HSD17B14: variants seen among roughly 807,000 people sequenced by gnomAD.
HSD17B14 encodes L-fucose dehydrogenase.
In HSD17B14, 32 loss-of-function variants were observed where a neutral mutation model predicts 32.2. The ratio of observed to expected loss-of-function variants is 0.99; its 90% confidence interval spans 0.75 to 1.33. The LOEUF (loss-of-function observed/expected upper bound fraction) is 1.33. Among genes scored for constraint, HSD17B14 ranks in the 40% most tolerant of loss-of-function variants. The pLI, the probability that HSD17B14 is intolerant of heterozygous loss-of-function variation, is 0.00. For missense variants in HSD17B14, 370 were observed against 366.5 expected (o/e 1.01, Z -0.08); for synonymous variants, 140 against 155.4 (o/e 0.90, Z 0.74).
chr19:48,830,047 C>T (rs906480914), intron 5 of HSD17B14, among the ~76,000 whole-genome samples: 1 of 152,104 alleles, frequency 6.6e-6, no homozygotes, highest in African/African-American at 2.4e-5. Context: ...CAGCTCACTG[C>T]AACCTCCGCC....
chr19:48,822,828 A>ATGGTGGTGAAGATGGTGT (rs2035183818), intron 5 of HSD17B14, among the ~76,000 whole-genome samples: 1 of 151,302 alleles, frequency 6.6e-6, no homozygotes, highest in Non-Finnish European at 1.5e-5. Context: ...GATGGTAATG[A>ATGGTGGTGAAGATGGTGT]TGGTGGTGAA....
In HSD17B14 at chr19:48,836,126, G is replaced by A. The variant is rs138455444; in HGVS notation, c.88+198C>T. On this transcript the variant is annotated intron_variant, in intron 1 of 8. Coordinates refer to ENST00000263278, the MANE Select transcript of HSD17B14 (RefSeq NM_016246.3). ...AGCTACACCAACAGACCCAGAGAAAGGGGCCACTGCCTTCGGAGACCCTGC... is the reference window on the plus strand; with the variant it reads ...AGCTACACCAACAGACCCAGAGAAAAGGGCCACTGCCTTCGGAGACCCTGC... 9.9e-5 allele frequency among the ~76,000 whole-genome samples: 15 copies of A among 152,216 alleles called. 1 individual carries two copies. The highest frequency in any genetic ancestry group is 3.4e-4 in the African/African-American group (14 of 41,544).
chr19:48,823,884 G>T (rs540824796), intron 5 of HSD17B14, among the ~76,000 whole-genome samples: 1 of 148,588 alleles, frequency 6.7e-6, no homozygotes, highest in South Asian at 2.2e-4. Context: ...CAGGCAATCC[G>T]CCCGCCTAGG....
At chr19:48,835,693 G>A (rs2035492347) in intron 2 of HSD17B14, 112 bp downstream of exon 2, 2 of 1,055,590 alleles carry the variant, frequency 1.9e-6, no homozygotes, top group Non-Finnish European at 1.4e-6. Context: ...GTCTGAGGAA[G>A]TAGGGCCTGG....
chr19:48,834,411 G>T (rs1192793846), intron 2 of HSD17B14, 53 bp from the exon 3 acceptor site: 61 of 1,175,410 alleles, frequency 5.2e-5, no homozygotes, highest in East Asian at 1.2e-4. Context: ...AGGGAGGAGG[G>T]GTTGGGGACT....
intron 6 of HSD17B14, 46 bp downstream of exon 6, chr19:48,814,991 C>A: frequency 6.8e-7 from 1 of 1,467,386 alleles, no homozygotes; most frequent in Non-Finnish European, 9.5e-7. Flanking sequence ...AGCCAAGGCC[C>A]ATGGGAAGGA....
In HSD17B14 at chr19:48,813,685, G is replaced by A. The variant is rs1406323809; in HGVS notation, c.520C>T (p.Pro174Ser). The change falls in exon 7 of 9, where the codon CCA becomes TCA. Residue 174 changes from proline (P) to serine (S), a missense_variant. Pro to Ser is a moderately conservative substitution (Grantham distance 74, BLOSUM62 -1). Transcript: ENST00000263278. ...CACCAGTTGACTCGGACACCATATG[G>A]ACTTTCATCCAGGGCCAAAGCTTTG... ...MTKALALDES[P>S]YGVRVNCISP... 6.2e-7 allele frequency: 1 copy of A among 1,614,168 alleles called. No individual in the cohort carries two copies. The highest frequency in any genetic ancestry group is 1.7e-5 in the Admixed American group (1 of 60,022).
chr19:48,834,155 C>A, intron 3 of HSD17B14, 121 bp downstream of exon 3: 1 of 759,864 alleles, frequency 1.3e-6, no homozygotes, highest in South Asian at 1.6e-5. Context: ...AAACCTTTGA[C>A]GAGTCCAGCG....
intron 5 of HSD17B14, among the ~76,000 whole-genome samples, chr19:48,826,542 T>TATATATATATATATATACACAC: frequency 7.5e-5 from 6 of 80,106 alleles, no homozygotes; most frequent in Admixed American, 1.6e-4. Flanking sequence ...TATATATATA[T>TATATATATATATATATACACAC]ACACACACAC....
At chr19:48,822,659 G>A (rs996472009) in intron 5 of HSD17B14, among the ~76,000 whole-genome samples, 6 of 151,618 alleles carry the variant, frequency 4.0e-5, no homozygotes, top group Non-Finnish European at 8.9e-5. Flanking sequence ...TTGTGGTAAT[G>A]ATGGTGATGA....
chr19:48,825,749 T>C (rs998419228), intron 5 of HSD17B14, among the ~76,000 whole-genome samples: 1 of 152,130 alleles, frequency 6.6e-6, no homozygotes, highest in African/African-American at 2.4e-5. Context: ...TGGCAGAGAA[T>C]TTAGGCAAAC....
chr19:48,826,050 G>A (rs2035239865), intron 5 of HSD17B14, among the ~76,000 whole-genome samples: 1 of 151,830 alleles, frequency 6.6e-6, no homozygotes, highest in African/African-American at 2.4e-5. Flanking sequence ...TCGATCTCCT[G>A]ACCTCGGGAT....
At chr19:48,819,155 AT>A (rs1330866681) in intron 5 of HSD17B14, among the ~76,000 whole-genome samples, 1 of 151,948 alleles carries the variant, frequency 6.6e-6, no homozygotes, top group Non-Finnish European at 1.5e-5. Flanking sequence ...CGCCTGGCTA[AT>A]TTTTGTATTT....
chr19:48,827,047 T>G (rs1475256257), intron 5 of HSD17B14, among the ~76,000 whole-genome samples: 1 of 147,046 alleles, frequency 6.8e-6, no homozygotes, highest in Non-Finnish European at 1.5e-5. Flanking sequence ...AAACCCCACT[T>G]TTTTTTTTTT....
rs758604246 is a variant in HSD17B14, at chr19:48,836,363, C to G, written c.49G>C (p.Gly17Arg). The change falls in exon 1 of 9, where the codon GGC becomes CGC. Residue 17 changes from glycine (G) to arginine (R), a missense_variant. Physicochemically the swap from Gly to Arg is moderately radical, Grantham distance 125 (BLOSUM62 -2). Transcript: ENST00000263278. ...ATCCCAGCTCCGATGCCGCGCCCGC[C>G]CCCGGTCACGACCACCACCTTCCCG... is the stretch of plus-strand genomic sequence containing the variant. ...YAGKVVVVTGGGRGIGAGIVR... is the reference protein window; with the variant it reads ...YAGKVVVVTGRGRGIGAGIVR... 1.2e-6 allele frequency: 2 copies of G among 1,614,008 alleles called. No individual in the cohort carries two copies. Among genetic ancestry groups the G allele is most frequent in the East Asian group, 2.2e-5 (1 of 44,870 alleles).
At chr19:48,822,962 A>T (rs149601459) in intron 5 of HSD17B14, among the ~76,000 whole-genome samples, 16 of 152,222 alleles carry the variant, frequency 1.1e-4, no homozygotes, top group African/African-American at 3.6e-4. Context: ...TGATAATGGC[A>T]GCGACACAAG....
At chr19:48,825,893 T>C (rs2035235913) in intron 5 of HSD17B14, among the ~76,000 whole-genome samples, 1 of 151,878 alleles carries the variant, frequency 6.6e-6, no homozygotes, top group Admixed American at 6.6e-5. Context: ...CGATCTCGGC[T>C]CACTGCAAGC....
rs138220788 is a variant in HSD17B14, at chr19:48,815,283, C to T, written c.370-142G>A. 3.0e-4 allele frequency: 197 copies of T among 661,870 alleles called. 2 individuals carry two copies. The highest frequency in any genetic ancestry group is 2.3e-3 in the South Asian group (137 of 58,664). The allele number at this position is 661,870 out of a possible 1,614,324, so 41.0% of individuals were successfully genotyped here. A position where few individuals can be genotyped will look rare whatever the true frequency, so the allele number is the denominator to read the frequency against. ...AGTTGATCTCAGTGACTGCTAGAGACGGCATCTAACATAACACCCTCTCTG... is the reference window on the plus strand; with the variant it reads ...AGTTGATCTCAGTGACTGCTAGAGATGGCATCTAACATAACACCCTCTCTG... On this transcript the variant is annotated intron_variant, in intron 5 of 8. Transcript: ENST00000263278.
At chr19:48,827,843 C>A (rs1054412897) in intron 5 of HSD17B14, among the ~76,000 whole-genome samples, 5 of 148,412 alleles carry the variant, frequency 3.4e-5, no homozygotes, top group Non-Finnish European at 7.4e-5. Flanking sequence ...CAACCCTTCT[C>A]CTTCCTTTTT....
Sources: gnomAD v4.1 joint callset for allele counts (sites outside exome capture counted in the v4.1 genomes callset) on GRCh38, gnomAD v4.1.1 for gene constraint, MANE v1.5 for transcripts, NCBI Gene and HGNC (gene_info 2026-07-23, HGNC 2026-07-21) for gene names.